ELP2: variants seen among roughly 807,000 people sequenced by gnomAD.
ELP2 encodes elongator acetyltransferase complex subunit 2, also known as elongator complex protein 2.
In ELP2, 90 loss-of-function variants were observed where a neutral mutation model predicts 119.2. That is an observed-to-expected ratio of 0.75 (90% confidence interval 0.64 to 0.90). ELP2 has a LOEUF of 0.90. Among genes scored for constraint, ELP2 ranks in the 40% least tolerant of loss-of-function variants. ELP2 has a pLI of 0.00. For missense variants in ELP2, 921 were observed against 967.8 expected (o/e 0.95, Z 0.64); for synonymous variants, 339 against 331.0 (o/e 1.02, Z -0.26).
intron 14 of ELP2, 117 bp downstream of exon 14, chr18:36,159,021 A>T: frequency 1.4e-6 from 1 of 739,422 alleles, no homozygotes; most frequent in South Asian, 1.5e-5. Context: ...AAATCACAGT[A>T]TATCTTTTCT....
intron 1 of ELP2, among the ~76,000 whole-genome samples, chr18:36,130,388 T>C (rs2089564651): frequency 6.6e-6 from 1 of 152,244 alleles, no homozygotes; most frequent in Non-Finnish European, 1.5e-5. Flanking sequence ...GTACCGTTAA[T>C]CAATTTGGGT....
intron 2 of ELP2, among the ~76,000 whole-genome samples, chr18:36,133,939 T>G (rs1737895083): frequency 7.8e-6 from 1 of 127,622 alleles, no homozygotes; most frequent in Admixed American, 9.0e-5. Flanking sequence ...AGATGGAGTC[T>G]CGCTTTGTCA....
intron 17 of ELP2, among the ~76,000 whole-genome samples, chr18:36,163,532 A>G (rs530815515): frequency 1.3e-5 from 2 of 152,068 alleles, no homozygotes; most frequent in African/African-American, 4.8e-5. Context: ...CTTTGATTCA[A>G]GGTCACAAGG....
At chr18:36,143,056 G>A in intron 8 of ELP2, 90 bp downstream of exon 8, 2 of 866,712 alleles carry the variant, frequency 2.3e-6, no homozygotes, top group Non-Finnish European at 3.6e-6. Flanking sequence ...GTGAAGGATA[G>A]TTTTTCACAA....
chr18:36,144,287 G>T (rs2090130384), intron 8 of ELP2, among the ~76,000 whole-genome samples: 1 of 151,924 alleles, frequency 6.6e-6, no homozygotes, highest in African/African-American at 2.4e-5. Flanking sequence ...CTTTATTTCT[G>T]CATTTATCCT....
chr18:36,135,124 C>G (rs1052146782), intron 2 of ELP2, among the ~76,000 whole-genome samples: 6 of 152,094 alleles, frequency 3.9e-5, no homozygotes, highest in African/African-American at 1.4e-4. Context: ...CAAAGACTGA[C>G]TTTCAGTATA....
chr18:36,135,583 G>T (rs1309459972), intron 2 of ELP2, among the ~76,000 whole-genome samples: 3 of 152,084 alleles, frequency 2.0e-5, no homozygotes, highest in African/African-American at 7.2e-5. Flanking sequence ...CCCTTTTTTG[G>T]TACTACTTTT....
chr18:36,172,376 A>C (rs943779922), intron 21 of ELP2, among the ~76,000 whole-genome samples: 5 of 152,224 alleles, frequency 3.3e-5, no homozygotes, highest in Non-Finnish European at 5.9e-5. Flanking sequence ...TTCAAATAGC[A>C]ATTTCAAATG....
chr18:36,159,410 G>A (rs2090664481), intron 14 of ELP2, among the ~76,000 whole-genome samples: 1 of 152,176 alleles, frequency 6.6e-6, no homozygotes, highest in African/African-American at 2.4e-5. Context: ...ACCACGCCCT[G>A]CCACAAAGTA....
At position 36,178,922 on chromosome 18, in the gene ELP2, C is replaced by T. The variant is rs1015305238; in HGVS notation, c.*4281C>T. 2 of 151,926 alleles carry T rather than the reference C, an allele frequency of 1.3e-5. No homozygotes were observed. The highest frequency in any genetic ancestry group is 4.8e-5 in the African/African-American group (2 of 41,350). 9.4% of individuals were successfully genotyped at this position (151,926 alleles called of 1,614,324 possible). A position where few individuals can be genotyped will look rare whatever the true frequency, so the allele number is the denominator to read the frequency against. ...AATTTTTTAATATACTTAAAATTTC[C>T]TTATAAGAATTGTTTAGAAAGAATG... On this transcript the variant is annotated 3_prime_UTR_variant, in exon 22 of 22. Coordinates refer to ENST00000358232, the MANE Select transcript of ELP2 (RefSeq NM_018255.4).
At chr18:36,135,661 A>T (rs1263676875) in intron 2 of ELP2, among the ~76,000 whole-genome samples, 1 of 152,218 alleles carries the variant, frequency 6.6e-6, no homozygotes. Context: ...TCTAATTTCA[A>T]CAATAAGTCA....
chr18:36,146,772 A>G (rs577112313), intron 11 of ELP2, among the ~76,000 whole-genome samples: 1 of 152,280 alleles, frequency 6.6e-6, no homozygotes, highest in East Asian at 1.9e-4. Context: ...AAAGGCTGAG[A>G]TGGAGGATTG....
rs1209985337 is a variant in ELP2 at position 36,146,024 on chromosome 18, A to G, written c.969A>G (p.Glu323=). The part of the protein sequence containing the change: ...DKTMILWAPD[E]ESGVWLEQVR... ...CCATGATTCTCTGGGCTCCAGATGA[A>G]GAGTCAGGAGTTTGGCTAGAACAGG... The change falls in exon 10 of 22, where the codon GAA becomes GAG. Residue 323 remains glutamate (E), a synonymous_variant. Coordinates refer to ENST00000358232, the MANE Select transcript of ELP2 (RefSeq NM_018255.4). 1.2e-6 allele frequency: 2 copies of G among 1,614,022 alleles called. No homozygotes were observed. Among genetic ancestry groups the G allele is most frequent in the Admixed American group, 1.7e-5 (1 of 60,024 alleles).
At chr18:36,169,927 C>A in intron 19 of ELP2, 136 bp from the exon 20 acceptor site, 1 of 1,133,652 alleles carries the variant, frequency 8.8e-7, no homozygotes, top group Admixed American at 1.9e-5. Context: ...CCTGGCACAC[C>A]ATACACGAAT....
intron 11 of ELP2, among the ~76,000 whole-genome samples, chr18:36,152,682 T>C (rs2090439656): frequency 6.6e-6 from 1 of 152,194 alleles, no homozygotes; most frequent in African/African-American, 2.4e-5. Context: ...GGCTGGCCGT[T>C]CCCTCAGGAA....
chr18:36,158,615 G>C, intron 13 of ELP2: 1 of 470,278 alleles, frequency 2.1e-6, no homozygotes, highest in Non-Finnish European at 3.9e-6. Flanking sequence ...TGGAGGCCTG[G>C]TAGGGCTTGT....
intron 1 of ELP2, 67 bp downstream of exon 1, chr18:36,130,138 C>T (rs1241880591): frequency 5.0e-6 from 8 of 1,606,854 alleles, no homozygotes; most frequent in Admixed American, 3.3e-5. Context: ...GTGCTCCGGG[C>T]GCGCTGTTAG....
At chr18:36,162,500 G>A (rs2090770730) in intron 17 of ELP2, among the ~76,000 whole-genome samples, 1 of 151,930 alleles carries the variant, frequency 6.6e-6, no homozygotes, top group Admixed American at 6.6e-5. Context: ...TTCCAGTTTT[G>A]GGCTTTTACT....
At chr18:36,142,188 A>G (rs939034098) in intron 6 of ELP2, 93 bp from the exon 7 acceptor site, 4 of 981,884 alleles carry the variant, frequency 4.1e-6, no homozygotes, top group Admixed American at 3.4e-5. Context: ...TAAAAGAGCA[A>G]CGCAGTAGGA....
Sources: gnomAD v4.1 joint callset for allele counts (sites outside exome capture counted in the v4.1 genomes callset) on GRCh38, gnomAD v4.1.1 for gene constraint, MANE v1.5 for transcripts, NCBI Gene and HGNC (gene_info 2026-07-23, HGNC 2026-07-21) for gene names.